The following DOCK4 variants were observed in gnomAD, a reference collection of about 807,000 sequenced individuals.
The protein encoded by DOCK4 is dedicator of cytokinesis 4.
A neutral mutation model predicts 268.1 loss-of-function variants in DOCK4; 97 were observed. The observed-to-expected ratio is 0.36, with a 90% CI of 0.31 to 0.43. DOCK4 has a LOEUF of 0.43. Ranked by LOEUF, DOCK4 falls within the 20% of genes least tolerant of loss-of-function variation. The probability of loss-of-function intolerance (pLI) is 1.00; values close to 1 mark genes in which losing one functional copy is unlikely to be tolerated. For missense variants in DOCK4, 2,145 were observed against 2,455.7 expected, an observed-to-expected ratio of 0.87 and a Z score of 2.67; for synonymous variants, 954 against 887.2, an observed-to-expected ratio of 1.08 and a Z score of -1.34.
intron 42 of DOCK4, among the ~76,000 whole-genome samples, chr7:111,753,286 G>A (rs1351125542): frequency 6.6e-6 from 1 of 152,112 alleles, no homozygotes; most frequent in African/African-American, 2.4e-5. Context: ...ACTAGCCTGA[G>A]CAACATCGTG....
intron 6 of DOCK4, among the ~76,000 whole-genome samples, chr7:111,987,698 C>G (rs1319708874): frequency 1.3e-5 from 2 of 152,152 alleles, no homozygotes; most frequent in Non-Finnish European, 2.9e-5. Flanking sequence ...TGTGCTTTTT[C>G]TAGTTCAACT....
At chr7:111,893,859 T>C (rs1211074632) in intron 16 of DOCK4, among the ~76,000 whole-genome samples, 2 of 152,128 alleles carry the variant, frequency 1.3e-5, no homozygotes, top group Non-Finnish European at 2.9e-5. Flanking sequence ...AATAAACATG[T>C]TGAACAAATA....
At position 111,915,881 on chromosome 7, in the gene DOCK4, A is replaced by G; in HGVS notation, c.1090T>C (p.Leu364=). The G allele has an allele frequency of 6.2e-7, 1 of 1,612,246 alleles. No individual in the cohort carries two copies. The change falls in exon 13 of 53, where the codon TTG becomes CTG. Residue 364 remains leucine, a synonymous_variant. Coordinates refer to ENST00000428084, the MANE Select transcript of DOCK4 (RefSeq NM_001363540.2). ...CTGATTTGTTCAATGTCTCCGTGCA[A>G]TAGCTGTAAGGAAACTGCTAAACCT... ...NAGLAVSLQL[L]HGDIEQIRRE...
chr7:111,959,428 A>T (rs1796692109), intron 8 of DOCK4, among the ~76,000 whole-genome samples: 1 of 152,218 alleles, frequency 6.6e-6, no homozygotes, highest in Non-Finnish European at 1.5e-5. Context: ...TGTTCAAAAC[A>T]ATATATGCTC....
chr7:112,079,387 G>T (rs931141461), intron 1 of DOCK4, among the ~76,000 whole-genome samples: 4 of 152,074 alleles, frequency 2.6e-5, no homozygotes, highest in Non-Finnish European at 4.4e-5. Flanking sequence ...TCAAAAACTA[G>T]AACGAAACAA....
At chr7:111,739,656 T>A in intron 47 of DOCK4, 179 bp from the exon 48 acceptor site, 1 of 602,974 alleles carries the variant, frequency 1.7e-6, no homozygotes, top group East Asian at 2.9e-5. Context: ...ATGAAAAGTC[T>A]GAGATTTTGA....
At chr7:112,177,814 C>T (rs1818663802) in intron 1 of DOCK4, among the ~76,000 whole-genome samples, 1 of 151,974 alleles carries the variant, frequency 6.6e-6, no homozygotes. Context: ...GTATCTTTAT[C>T]AACTCAGCAT....
chr7:111,745,682 T>TAAA (rs1585855709), intron 44 of DOCK4, among the ~76,000 whole-genome samples: 1 of 7,206 alleles, frequency 1.4e-4, no homozygotes, highest in Non-Finnish European at 2.9e-4. Flanking sequence ...AGACTCCGTC[T>TAAA]TAAAAAAAAA....
At chr7:111,883,498 C>G (rs1807589755) in intron 16 of DOCK4, among the ~76,000 whole-genome samples, 1 of 152,130 alleles carries the variant, frequency 6.6e-6, no homozygotes, top group Non-Finnish European at 1.5e-5. Flanking sequence ...AGAAATTCTG[C>G]CCCTGTAAAC....
At chr7:112,012,539 T>C (rs1417350286) in intron 1 of DOCK4, among the ~76,000 whole-genome samples, 1 of 152,232 alleles carries the variant, frequency 6.6e-6, no homozygotes, top group East Asian at 1.9e-4. Context: ...ACAGTCTTCA[T>C]GTCCCAGTGG....
intron 1 of DOCK4, among the ~76,000 whole-genome samples, chr7:112,040,498 T>C (rs1053593787): frequency 6.6e-6 from 1 of 152,168 alleles, no homozygotes; most frequent in African/African-American, 2.4e-5. Context: ...TAGATAGTTG[T>C]GGAGGCACAG....
intron 2 of DOCK4, among the ~76,000 whole-genome samples, chr7:112,001,460 C>G (rs765653457): frequency 1.2e-4 from 19 of 152,224 alleles, no homozygotes; most frequent in Non-Finnish European, 2.6e-4. Context: ...GATTGAGGAT[C>G]ACAGTTTTAA....
chr7:111,753,082 G>T (rs1482383279), intron 42 of DOCK4, among the ~76,000 whole-genome samples: 15 of 150,452 alleles, frequency 1.0e-4, no homozygotes, highest in Non-Finnish European at 2.9e-5. Flanking sequence ...GTTTCAGAAT[G>T]AAGAACTTTT....
At chr7:111,991,961 C>CAAAA (rs60667093) in intron 5 of DOCK4, among the ~76,000 whole-genome samples, 2 of 50,880 alleles carry the variant, frequency 3.9e-5, no homozygotes, top group African/African-American at 8.2e-5. Flanking sequence ...ACTCTGTCTC[C>CAAAA]AAAAAAAAAA....
At chr7:111,915,348 C>G (rs1198034183) in intron 13 of DOCK4, among the ~76,000 whole-genome samples, 2 of 152,152 alleles carry the variant, frequency 1.3e-5, no homozygotes, top group Non-Finnish European at 2.9e-5. Flanking sequence ...TGCTTATTTA[C>G]ATATGGCTAA....
chr7:111,926,808 T>C (rs1444549230), intron 12 of DOCK4, among the ~76,000 whole-genome samples: 2 of 137,094 alleles, frequency 1.5e-5, no homozygotes, highest in African/African-American at 5.6e-5. Flanking sequence ...CACTCCAGCC[T>C]GGCGACAGCG....
At chr7:111,885,000 G>T (rs1807714783) in intron 16 of DOCK4, among the ~76,000 whole-genome samples, 1 of 152,214 alleles carries the variant, frequency 6.6e-6, no homozygotes. Context: ...TCTACTGTGA[G>T]TGAGATTTTG....
At chr7:111,815,224 T>C (rs17158859) in intron 27 of DOCK4, among the ~76,000 whole-genome samples, 11,174 of 152,264 alleles carry the variant, frequency 0.073, 1,395 homozygotes, top group African/African-American at 0.25. Flanking sequence ...TGCTCAGGGC[T>C]AGAAAGATCT....
At chr7:111,918,562 G>A (rs560562859) in intron 12 of DOCK4, among the ~76,000 whole-genome samples, 32 of 152,208 alleles carry the variant, frequency 2.1e-4, no homozygotes, top group African/African-American at 7.0e-4. Context: ...GAAGACAAGC[G>A]AACATGTGTT....
Sources: allele counts gnomAD v4.1 joint callset (sites outside exome capture counted in the v4.1 genomes callset), GRCh38; gene constraint gnomAD v4.1.1; transcripts MANE v1.5; gene names NCBI Gene and HGNC (gene_info 2026-07-23, HGNC 2026-07-21).